BNC2: variants seen among roughly 807,000 people sequenced by gnomAD.
The protein encoded by BNC2 is zinc finger protein basonuclin-2.
Under a neutral mutation model 76.3 loss-of-function variants are expected in BNC2, and 20 were observed. The observed-to-expected ratio is 0.26, with a 90% CI of 0.18 to 0.38. BNC2 has a LOEUF of 0.38. Ranked by LOEUF, BNC2 falls within the 10% of genes least tolerant of loss-of-function variation. BNC2 has a pLI of 1.00. For missense variants in BNC2, 1,382 were observed against 1,399.8 expected (o/e 0.99, Z 0.20); for synonymous variants, 582 against 514.8 (o/e 1.13, Z -1.77).
At chr9:16,549,317 T>C (rs1818586829) in intron 5 of BNC2, among the ~76,000 whole-genome samples, 1 of 152,232 alleles carries the variant, frequency 6.6e-6, no homozygotes, top group East Asian at 1.9e-4. Flanking sequence ...TGTAGCCAAC[T>C]GCTAACCAAG....
intron 3 of BNC2, among the ~76,000 whole-genome samples, chr9:16,678,869 C>G (rs1399230306): frequency 6.6e-6 from 1 of 152,110 alleles, no homozygotes. Context: ...TCGGTAGTGC[C>G]TGAAAATTAC....
At chr9:16,777,357 A>G (rs1825997204) in intron 1 of BNC2, among the ~76,000 whole-genome samples, 1 of 152,036 alleles carries the variant, frequency 6.6e-6, no homozygotes, top group South Asian at 2.1e-4. Flanking sequence ...AAACATGAGG[A>G]GCAAATTTGA....
intron 5 of BNC2, among the ~76,000 whole-genome samples, chr9:16,536,796 G>A (rs1045574571): frequency 6.6e-6 from 1 of 152,012 alleles, no homozygotes; most frequent in African/African-American, 2.4e-5. Context: ...AGAAAATTAT[G>A]GGAACATTAT....
At chr9:16,624,339 A>T (rs554776777) in intron 3 of BNC2, among the ~76,000 whole-genome samples, 3 of 152,366 alleles carry the variant, frequency 2.0e-5, no homozygotes, top group Admixed American at 6.5e-5. Context: ...AAACAAAGTT[A>T]TATAAATGTT....
chr9:16,616,440 T>G (rs1406985030), intron 3 of BNC2, among the ~76,000 whole-genome samples: 1 of 151,926 alleles, frequency 6.6e-6, no homozygotes, highest in African/African-American at 2.4e-5. Flanking sequence ...CTCACACCTG[T>G]AATCCCAGCA....
At chr9:16,528,886 C>T (rs1817892561) in intron 5 of BNC2, among the ~76,000 whole-genome samples, 1 of 152,188 alleles carries the variant, frequency 6.6e-6, no homozygotes, top group Non-Finnish European at 1.5e-5. Flanking sequence ...CAAATTACTA[C>T]CACCGTAGTG....
At chr9:16,587,464 T>TC (rs2133118723) in intron 3 of BNC2, among the ~76,000 whole-genome samples, 1 of 152,264 alleles carries the variant, frequency 6.6e-6, no homozygotes, top group East Asian at 1.9e-4. Context: ...AGATTATGTA[T>TC]CCCTTCCTTT....
intron 3 of BNC2, among the ~76,000 whole-genome samples, chr9:16,712,037 A>G (rs936933888): frequency 3.3e-5 from 5 of 152,236 alleles, no homozygotes; most frequent in Admixed American, 6.5e-5. Flanking sequence ...CAAATACCTT[A>G]GCACTTTGGA....
At chr9:16,695,038 A>T (rs1823296717) in intron 3 of BNC2, among the ~76,000 whole-genome samples, 1 of 152,228 alleles carries the variant, frequency 6.6e-6, no homozygotes, top group Non-Finnish European at 1.5e-5. Context: ...ATAAAGTCAA[A>T]GGGAGTTATA....
At chr9:16,628,254 T>G (rs559384776) in intron 3 of BNC2, among the ~76,000 whole-genome samples, 1 of 152,126 alleles carries the variant, frequency 6.6e-6, no homozygotes, top group Non-Finnish European at 1.5e-5. Flanking sequence ...GCAATATAAG[T>G]GTGTCTGCCT....
At chr9:16,504,641 A>G (rs1167099107) in intron 5 of BNC2, among the ~76,000 whole-genome samples, 1 of 152,184 alleles carries the variant, frequency 6.6e-6, no homozygotes, top group Non-Finnish European at 1.5e-5. Flanking sequence ...AAATAAATAA[A>G]AATTTCAATA....
chr9:16,441,982 A>G (rs1821138055), intron 5 of BNC2, among the ~76,000 whole-genome samples: 1 of 152,206 alleles, frequency 6.6e-6, no homozygotes, highest in Admixed American at 6.5e-5. Flanking sequence ...GGTCTTATGC[A>G]TGAATAATAT....
intron 5 of BNC2, among the ~76,000 whole-genome samples, chr9:16,488,869 G>A (rs1313450831): frequency 6.6e-6 from 1 of 152,026 alleles, no homozygotes; most frequent in Non-Finnish European, 1.5e-5. Context: ...AGTAGACCCA[G>A]TAAAAATTAC....
intron 1 of BNC2, among the ~76,000 whole-genome samples, chr9:16,820,999 G>A (rs1427242312): frequency 2.0e-5 from 3 of 152,018 alleles, no homozygotes; most frequent in African/African-American, 7.2e-5. Flanking sequence ...TTGGGAGGCC[G>A]AGGCGGGTGG....
chr9:16,678,587 T>C (rs1390844901), intron 3 of BNC2, among the ~76,000 whole-genome samples: 2 of 151,518 alleles, frequency 1.3e-5, no homozygotes, highest in African/African-American at 2.4e-5. Context: ...CTGACAGAGG[T>C]ATTACCTACC....
intron 5 of BNC2, among the ~76,000 whole-genome samples, chr9:16,531,248 A>AGG (rs1817965584): frequency 1.3e-5 from 2 of 152,150 alleles, no homozygotes; most frequent in Non-Finnish European, 2.9e-5. Flanking sequence ...GGCTACTTAA[A>AGG]CCAAACACTC....
chr9:16,714,477 C>T (rs1269725588), intron 3 of BNC2, among the ~76,000 whole-genome samples: 1 of 152,210 alleles, frequency 6.6e-6, no homozygotes, highest in African/African-American at 2.4e-5. Context: ...ATCATTCTGA[C>T]ACATTTATAG....
intron 1 of BNC2, among the ~76,000 whole-genome samples, chr9:16,811,214 CTTCGTCT>C (rs1473851870): frequency 3.6e-4 from 21 of 57,596 alleles, no homozygotes; most frequent in African/African-American, 1.0e-3. Context: ...CAGAGCGAGA[CTTCGTCT>C]CAAAAGACCA....
intron 1 of BNC2, among the ~76,000 whole-genome samples, chr9:16,836,488 A>C (rs558359983): frequency 6.6e-6 from 1 of 151,966 alleles, no homozygotes; most frequent in Non-Finnish European, 1.5e-5. Context: ...TTGATTTTTA[A>C]AACTTTGGCC....
Sources: allele counts gnomAD v4.1 joint callset (sites outside exome capture counted in the v4.1 genomes callset), GRCh38; gene constraint gnomAD v4.1.1; transcripts MANE v1.5; gene names NCBI Gene and HGNC (gene_info 2026-07-23, HGNC 2026-07-21).